BRI3: variants seen among roughly 807,000 people sequenced by gnomAD.
BRI3 encodes the protein brain protein I3.
A neutral mutation model predicts 12.8 loss-of-function variants in BRI3; 6 were observed. The ratio of observed to expected loss-of-function variants is 0.47; its 90% CI spans 0.26 to 0.93. BRI3 has a LOEUF of 0.93. Among genes scored for constraint, BRI3 ranks in the 40% least tolerant of loss-of-function variants. The pLI, the probability that BRI3 is intolerant of heterozygous loss-of-function variation, is 0.15. For missense variants in BRI3, 134 were observed against 171.1 expected (o/e 0.78, Z 1.21); for synonymous variants, 91 against 76.1 (o/e 1.20, Z -1.02).
At chr7:98,307,938 A>G (rs1800722487) in exon 2 of BRI3, 1 of 1,580,554 alleles carries the variant, frequency 6.3e-7, no homozygotes. Flanking sequence ...TCAAAGCATG[A>G]GAATCAATAG....
chr7:98,293,604 G>A (rs1478982787), downstream of BRI3: 7 of 1,611,852 alleles, frequency 4.3e-6, no homozygotes, highest in Non-Finnish European at 5.9e-6. Context: ...CCGCTGCAGG[G>A]GATAAGAAAA....
chr7:98,312,147 G>T, downstream of BRI3: 1 of 1,614,030 alleles, frequency 6.2e-7, no homozygotes, highest in Non-Finnish European at 8.5e-7. Context: ...CCAGACACGG[G>T]GGTAGAGGCT....
chr7:98,304,514 A>ACACACACAGT (rs1443093399), upstream of BRI3: 1 of 866,350 alleles, frequency 1.2e-6, no homozygotes, highest in East Asian at 2.7e-5. Context: ...ACACACACAG[A>ACACACACAGT]CACACACAGT....
At chr7:98,304,813 C>T (rs1029841279), upstream of BRI3, among the ~76,000 whole-genome samples, 7 of 151,678 alleles carry the variant, frequency 4.6e-5, no homozygotes, top group African/African-American at 1.7e-4. Flanking sequence ...CCACCACACC[C>T]GGCCTAAAAC....
downstream of BRI3, chr7:98,292,581 T>G (rs528332601): frequency 8.3e-4 from 1,257 of 1,505,750 alleles, 2 homozygotes; most frequent in Non-Finnish European, 6.7e-4. Context: ...ATCCATACCA[T>G]AGGGCCAGGT....
At chr7:98,308,076 G>C (rs1002992578) in exon 2 of BRI3, 13 of 717,070 alleles carry the variant, frequency 1.8e-5, no homozygotes, top group Non-Finnish European at 2.5e-6. Flanking sequence ...AGGGACTGTT[G>C]AGAAACAGAG....
chr7:98,291,586 C>T, downstream of BRI3: 7 of 1,040,540 alleles, frequency 6.7e-6, no homozygotes, highest in Non-Finnish European at 8.3e-6. Flanking sequence ...AACGACACCC[C>T]CATCGCTCCC....
At chr7:98,284,477 C>T (rs772590482) in intron 2 of BRI3, among the ~76,000 whole-genome samples, 1 of 152,198 alleles carries the variant, frequency 6.6e-6, no homozygotes, top group Non-Finnish European at 1.5e-5. Flanking sequence ...GGCCACTCCT[C>T]TCTGCGAGGA....
downstream of BRI3, among the ~76,000 whole-genome samples, chr7:98,314,700 C>T (rs983980281): frequency 1.3e-5 from 2 of 152,070 alleles, no homozygotes; most frequent in East Asian, 1.9e-4. Context: ...AATGGGGGCC[C>T]GTGGGCTGGG....
chr7:98,316,300 G>C, the BRI3 span, among the ~76,000 whole-genome samples: 4 of 152,138 alleles, frequency 2.6e-5, no homozygotes, highest in Admixed American at 6.5e-5. Context: ...CAGTCTCGGG[G>C]TATGTCTTTA....
chr7:98,284,345 C>G (rs996431763), intron 2 of BRI3, among the ~76,000 whole-genome samples: 3 of 152,218 alleles, frequency 2.0e-5, no homozygotes, highest in Admixed American at 1.3e-4. Flanking sequence ...CTCTGGCTCC[C>G]CGAGGCTTTG....
At chr7:98,308,061 G>A (rs1800727902) in exon 2 of BRI3, 1 of 741,464 alleles carries the variant, frequency 1.3e-6, no homozygotes. Context: ...TTGCCCAGAA[G>A]GAACAGGGAC....
At chr7:98,312,128 T>C (rs1374477814), downstream of BRI3, 2 of 1,613,012 alleles carry the variant, frequency 1.2e-6, no homozygotes, top group Non-Finnish European at 1.7e-6. Flanking sequence ...GGGTGAAGCC[T>C]GAGGAGTTCC....
intron 1 of BRI3, chr7:98,306,813 T>TC: frequency 2.6e-6 from 1 of 383,056 alleles, no homozygotes; most frequent in Non-Finnish European, 4.8e-6. Flanking sequence ...GCTCAAGCAA[T>TC]CCCCCTGCCT....
chr7:98,296,069 AT>A (rs1800177472), downstream of BRI3, among the ~76,000 whole-genome samples: 1 of 152,060 alleles, frequency 6.6e-6, no homozygotes, highest in Non-Finnish European at 1.5e-5. Flanking sequence ...ACGCCCGTCA[AT>A]GGGAGAGTCA....
At chr7:98,314,738 G>A (rs1411609242), downstream of BRI3, among the ~76,000 whole-genome samples, 2 of 152,142 alleles carry the variant, frequency 1.3e-5, no homozygotes, top group Admixed American at 6.5e-5. Context: ...CCCCGGACAC[G>A]GACCCATGAA....
At chr7:98,319,908 G>T in the BRI3 span, 2 of 714,936 alleles carry the variant, frequency 2.8e-6, no homozygotes, top group Non-Finnish European at 4.9e-6. Context: ...ACAGCCCAAA[G>T]AGAGCTTGTC....
upstream of BRI3, chr7:98,306,402 TC>T (rs754827998): frequency 3.7e-6 from 6 of 1,610,678 alleles, no homozygotes; most frequent in Admixed American, 1.0e-4. Flanking sequence ...GGCAGGGGTT[TC>T]TGTCACCGGG....
At chr7:98,293,613 A>G, downstream of BRI3, 1 of 1,608,712 alleles carries the variant, frequency 6.2e-7, no homozygotes. Context: ...GGGATAAGAA[A>G]AATCTTTCAG....
Sources: allele counts gnomAD v4.1 joint callset (sites outside exome capture counted in the v4.1 genomes callset), GRCh38; gene constraint gnomAD v4.1.1; transcripts MANE v1.5; gene names NCBI Gene and HGNC (gene_info 2026-07-23, HGNC 2026-07-21).